CEP350: variants seen among roughly 807,000 people sequenced by gnomAD.
CEP350 encodes the protein centrosome-associated protein 350.
CEP350 carries 126 observed loss-of-function variants against 331.8 expected under a neutral mutation model. The observed-to-expected ratio is 0.38, with a 90% CI of 0.33 to 0.44. The LOEUF (loss-of-function observed/expected upper bound fraction) is 0.44. Among genes scored for constraint, CEP350 ranks in the 20% least tolerant of loss-of-function variants. The pLI, the probability that CEP350 is intolerant of heterozygous loss-of-function variation, is 1.00. For missense variants in CEP350, 3,406 were observed against 3,634.6 expected (o/e 0.94, Z 1.62); for synonymous variants, 1,200 against 1,259.5 (o/e 0.95, Z 1.00).
At position 180,036,950 on chromosome 1, in the gene CEP350, G is replaced by A. The variant is rs1656391733; in HGVS notation, c.3971G>A (p.Gly1324Asp). The change falls in exon 17 of 38, where the codon GGC (glycine) becomes GAC (aspartate). Residue 1324 changes from glycine to aspartate, a missense_variant. Gly to Asp is a moderately conservative substitution (Grantham distance 94, BLOSUM62 -1). Transcript: ENST00000367607. ...GGTTCTAAGCGCTTTTCTCCTGCTG[G>A]CCTCCATCATCGTATGGCAGCAGAA... ...IPGSKRFSPA[G>D]LHHRMAAELS... 6.3e-7 allele frequency: 1 copy of A among 1,581,026 alleles called. No homozygotes were observed. Among genetic ancestry groups the A allele is most frequent in the African/African-American group, 1.4e-5 (1 of 73,866 alleles).
chr1:180,090,501 G>C (rs1350027179), intron 32 of CEP350, among the ~76,000 whole-genome samples: 2 of 128,210 alleles, frequency 1.6e-5, no homozygotes, highest in Non-Finnish European at 3.2e-5. Context: ...AGCCGAGATC[G>C]CGCCACTGCA....
chr1:179,983,787 A>G (rs1321832451), intron 1 of CEP350, among the ~76,000 whole-genome samples: 1 of 152,198 alleles, frequency 6.6e-6, no homozygotes, highest in Non-Finnish European at 1.5e-5. Flanking sequence ...GGTTTAATAT[A>G]TTTGTAAGGC....
rs1193788149 is a variant in CEP350, at chr1:180,048,690, C to T, written c.4777C>T (p.Leu1593Phe). ...DSLRSDSVPS[L>F]PDEKDSTSIA... Reference sequence around the variant, plus strand: ...TCTACGAAGTGATAGTGTTCCATCTCTTCCTGATGAAAAAGGTAACTTTCT... The same window carrying T: ...TCTACGAAGTGATAGTGTTCCATCTTTTCCTGATGAAAAAGGTAACTTTCT... Residue 1593 changes from leucine to phenylalanine, a missense_variant, in exon 22 of 38, where the codon CTT becomes TTT. By Grantham distance (22) the Leu-to-Phe change is conservative. Around this residue, in one of 5 missense-constraint regions of CEP350, gnomAD observed 1,857 missense variants for 1,909.2 expected, o/e 0.97. Transcript: ENST00000367607. The T allele has an allele frequency of 6.2e-7, 1 of 1,609,166 alleles. No homozygotes were observed. Among genetic ancestry groups the T allele is most frequent in the Non-Finnish European group, 8.5e-7 (1 of 1,178,098 alleles).
Position 180,093,114 on chromosome 1 carries a change from G to C in CEP350, c.7009G>C (p.Asp2337His). ...GTTGAAAGAGAGACAGTCAGATCAA[G>C]ATATGAATCATAGTCCAAACATCCA... ...EMLKERQSDQ[D>H]MNHSPNIQSG... is the part of the protein sequence containing the mutation. Residue 2337 changes from aspartate to histidine, a missense_variant, in exon 34 of 38, where the codon GAT becomes CAT. Asp to His is a moderately conservative substitution (Grantham distance 81, BLOSUM62 -1). Coordinates refer to ENST00000367607, the MANE Select transcript of CEP350 (RefSeq NM_014810.5). 6.2e-7 allele frequency: 1 copy of C among 1,602,404 alleles called. No homozygotes were observed. Among genetic ancestry groups the C allele is most frequent in the Non-Finnish European group, 8.5e-7 (1 of 1,173,648 alleles).
At chr1:179,960,469 A>T (rs986368341) in intron 1 of CEP350, among the ~76,000 whole-genome samples, 1 of 152,162 alleles carries the variant, frequency 6.6e-6, no homozygotes, top group Admixed American at 6.6e-5. Flanking sequence ...GACACTATGC[A>T]TTATTTGAGA....
intron 10 of CEP350, among the ~76,000 whole-genome samples, chr1:180,014,775 AG>A (rs1405914275): frequency 6.6e-6 from 1 of 152,196 alleles, no homozygotes; most frequent in Non-Finnish European, 1.5e-5. Flanking sequence ...TTTTCATTGT[AG>A]TACTGAACAA....
At chr1:180,096,301 C>CTGTTCCA in intron 36 of CEP350, 117 bp downstream of exon 36, 2 of 1,163,500 alleles carry the variant, frequency 1.7e-6, no homozygotes, top group Non-Finnish European at 2.3e-6. Flanking sequence ...TCTTCAGGAC[C>CTGTTCCA]TGTTCCATAG....
rs879720750 is a variant in CEP350 at position 180,103,057 on chromosome 1, A to ATT, written c.9189+4075_9189+4076dup. Among the ~76,000 whole-genome samples, 215 of 152,322 alleles carry ATT rather than the reference A, an allele frequency of 1.4e-3. 3 individuals are homozygous for ATT. Among genetic ancestry groups the ATT allele is most frequent in the Non-Finnish European group, 1.7e-3 (118 of 68,016 alleles). The stretch of plus-strand genomic sequence containing the variant: ...AAGGAAAAGCGGTGGACCGCAGCAG[A>ATT]TTTTATAGGCAGGCTTTAAGAGGTG... On this transcript the variant is annotated intron_variant, in intron 37 of 37. Coordinates refer to ENST00000367607, the MANE Select transcript of CEP350 (RefSeq NM_014810.5).
intron 6 of CEP350, among the ~76,000 whole-genome samples, chr1:180,001,781 G>A: frequency 6.6e-6 from 1 of 152,120 alleles, no homozygotes; most frequent in Non-Finnish European, 1.5e-5. Context: ...AAGACAAGAA[G>A]AATAAATAAT....
intron 34 of CEP350, 65 bp downstream of exon 34, chr1:180,094,681 T>C: frequency 6.7e-7 from 1 of 1,501,472 alleles, no homozygotes; most frequent in Non-Finnish European, 8.9e-7. Flanking sequence ...GCAACTTACC[T>C]TGCCTATATA....
At chr1:180,001,218 A>C (rs1653848671) in intron 6 of CEP350, among the ~76,000 whole-genome samples, 2 of 152,200 alleles carry the variant, frequency 1.3e-5, no homozygotes, top group African/African-American at 4.8e-5. Flanking sequence ...TGTTTTTGAC[A>C]AAACAAAGTT....
intron 14 of CEP350, among the ~76,000 whole-genome samples, chr1:180,027,489 A>C (rs912193710): frequency 6.6e-6 from 1 of 152,142 alleles, no homozygotes. Flanking sequence ...GGGCTCCATC[A>C]GTCCTTCCAC....
At chr1:180,068,988 C>T (rs1658719902) in intron 27 of CEP350, among the ~76,000 whole-genome samples, 1 of 152,064 alleles carries the variant, frequency 6.6e-6, no homozygotes, top group South Asian at 2.1e-4. Context: ...CACTATGTGG[C>T]CCAGGATAGG....
chr1:179,974,538 A>T (rs184002896), intron 1 of CEP350, among the ~76,000 whole-genome samples: 49 of 152,352 alleles, frequency 3.2e-4, no homozygotes, highest in African/African-American at 1.1e-3. Context: ...TGCTATTTGT[A>T]ACTCTATTAC....
Position 179,955,153 on chromosome 1 carries a change from G to A in CEP350, c.-14+11G>A. 2 of 1,440,148 alleles carry A rather than the reference G, an allele frequency of 1.4e-6. No homozygotes were observed. Among genetic ancestry groups the A allele is most frequent in the Non-Finnish European group, 1.8e-6 (2 of 1,093,108 alleles). The allele number at this position is 1,440,148 out of a possible 1,614,324, so 89.2% of individuals were successfully genotyped here. On this transcript the variant is annotated intron_variant, in intron 1 of 37. Coordinates refer to ENST00000367607, the MANE Select transcript of CEP350 (RefSeq NM_014810.5). ...AGGCGACACTCTCAGGTGAGCTCCT[G>A]TAGGACCTGGCTGGGACCGCGGAGT...
chr1:179,976,936 G>A (rs1651916472), intron 1 of CEP350, among the ~76,000 whole-genome samples: 1 of 152,170 alleles, frequency 6.6e-6, no homozygotes, highest in Non-Finnish European at 1.5e-5. Context: ...TATGGGAACT[G>A]GAAAATTGTC....
intron 14 of CEP350, among the ~76,000 whole-genome samples, chr1:180,030,095 G>C (rs1317288618): frequency 6.6e-6 from 1 of 151,622 alleles, no homozygotes; most frequent in Non-Finnish European, 1.5e-5. Context: ...TTCATCTTCT[G>C]ACTATTTTGA....
intron 25 of CEP350, among the ~76,000 whole-genome samples, chr1:180,059,910 G>A (rs1571938173): frequency 6.6e-6 from 1 of 151,840 alleles, no homozygotes; most frequent in East Asian, 1.9e-4. Flanking sequence ...GCATAATGAA[G>A]TGTGTCAACA....
intron 27 of CEP350, among the ~76,000 whole-genome samples, chr1:180,074,719 CTAAA>C (rs1659114667): frequency 6.6e-6 from 1 of 152,122 alleles, no homozygotes; most frequent in Admixed American, 6.5e-5. Flanking sequence ...AAATGAATAT[CTAAA>C]TATGAACATT....
Sources: gnomAD v4.1 joint callset for allele counts (sites outside exome capture counted in the v4.1 genomes callset) on GRCh38, gnomAD v4.1.1 for gene constraint, gnomAD v4.1.1 regional missense constraint, MANE v1.5 for transcripts, NCBI Gene and HGNC (gene_info 2026-07-23, HGNC 2026-07-21) for gene names.